The following COBL variants were observed in gnomAD, a reference collection of about 807,000 sequenced individuals.
COBL encodes cordon-bleu WH2 repeat protein.
COBL carries 51 observed loss-of-function variants against 98.8 expected under a neutral mutation model. The observed-to-expected ratio is 0.52, with a 90% CI of 0.41 to 0.65. The LOEUF (loss-of-function observed/expected upper bound fraction) is 0.65, where lower values mean the gene tolerates loss of function less well. Ranked by LOEUF, COBL falls within the 30% of genes least tolerant of loss-of-function variation. The pLI is 0.00. For missense variants in COBL, 1,617 were observed against 1,617.5 expected, an observed-to-expected ratio of 1.00 and a Z score of 0.01; for synonymous variants, 634 against 651.7, an observed-to-expected ratio of 0.97 and a Z score of 0.41.
intron 2 of COBL, among the ~76,000 whole-genome samples, chr7:51,210,605 G>A (rs712015): frequency 0.63 from 95,096 of 152,014 alleles, 30,472 homozygotes; most frequent in East Asian, 0.75. Flanking sequence ...TAAAGAACCT[G>A]GACACACACA....
At chr7:51,278,440 C>T (rs967838586) in intron 1 of COBL, among the ~76,000 whole-genome samples, 5 of 137,524 alleles carry the variant, frequency 3.6e-5, no homozygotes, top group Admixed American at 1.6e-4. Context: ...AGTGCAATGG[C>T]GCGATCTCGG....
intron 1 of COBL, among the ~76,000 whole-genome samples, chr7:51,275,177 C>G (rs965990805): frequency 3.3e-5 from 5 of 152,056 alleles, no homozygotes; most frequent in Non-Finnish European, 7.4e-5. Context: ...AGGGGTCACC[C>G]CTGCGGGCTG....
chr7:51,024,653 GTGAATGAATGAATGAATGAATGAA>G (rs3216937), intron 12 of COBL, among the ~76,000 whole-genome samples: 4 of 151,308 alleles, frequency 2.6e-5, no homozygotes, highest in East Asian at 4.0e-4. Flanking sequence ...GCATGTACGA[GTGAATGAATGAATGAATGAATGAA>G]TGAATGAATG....
rs376323100 is a variant in COBL at position 51,029,212 on chromosome 7, C to A, written c.1884G>T (p.Ala628=). The stretch of plus-strand genomic sequence containing the variant: ...TCGAAGCAAAAGAAGTCACCCTGGG[C>A]GCCGTTTCCATTAGATTCCCATCTT... ...ISKDGNLMET[A]PRVTSFASNL... Residue 628 remains alanine (A), a synonymous_variant, in exon 10 of 13, where the codon GCG becomes GCT. Coordinates refer to ENST00000265136, the MANE Select transcript of COBL (RefSeq NM_015198.5). 6.2e-7 allele frequency: 1 copy of A among 1,613,912 alleles called. No individual in the cohort carries two copies. Among genetic ancestry groups the A allele is most frequent in the Non-Finnish European group, 8.5e-7 (1 of 1,179,974 alleles).
chr7:51,267,191 C>A (rs1054459361), intron 1 of COBL, among the ~76,000 whole-genome samples: 2 of 152,090 alleles, frequency 1.3e-5, no homozygotes, highest in East Asian at 1.9e-4. Flanking sequence ...AAATCTGAAA[C>A]CCTTGTTATT....
chr7:51,090,613 GC>G (rs1562898007), intron 6 of COBL, among the ~76,000 whole-genome samples: 2 of 152,228 alleles, frequency 1.3e-5, no homozygotes, highest in Non-Finnish European at 2.9e-5. Context: ...GAGCTCAGAG[GC>G]TGGTTGCAAC....
At chr7:51,058,900 G>T (rs1320918698) in intron 7 of COBL, among the ~76,000 whole-genome samples, 1 of 152,162 alleles carries the variant, frequency 6.6e-6, no homozygotes, top group African/African-American at 2.4e-5. Context: ...TCCCAGGCCG[G>T]GGCTACTGTC....
At chr7:51,186,977 C>G (rs1789583487) in intron 4 of COBL, among the ~76,000 whole-genome samples, 1 of 152,122 alleles carries the variant, frequency 6.6e-6, no homozygotes, top group Non-Finnish European at 1.5e-5. Flanking sequence ...GTATGATAAG[C>G]TGAGGGTGGC....
rs558141941 is a variant in COBL, at chr7:51,124,468, C to T, written c.957+11690G>A. On this transcript the variant is annotated intron_variant, in intron 6 of 12. Transcript: ENST00000265136. The stretch of plus-strand genomic sequence containing the variant: ...AAAGAATTTGGAAGTGACACCCTCA[C>T]CCAGTGTATCTCTGGCTCCCAACTG... Among the ~76,000 whole-genome samples, 5 of 152,266 alleles carry T rather than the reference C, an allele frequency of 3.3e-5. No homozygotes were observed. The South Asian group carries it at 1.0e-3, about 32-fold the overall frequency.
At position 51,109,974 on chromosome 7, in the gene COBL, T is replaced by C. The variant is rs184240602; in HGVS notation, c.958-24670A>G. On this transcript the variant is annotated intron_variant, in intron 6 of 12. Coordinates refer to ENST00000265136, the MANE Select transcript of COBL (RefSeq NM_015198.5). ...TGGAAACTGCTTGGCCTCTTCTTTTTTCTTTAAAAAAATTGATACATAATA... is the reference window on the plus strand; with the variant it reads ...TGGAAACTGCTTGGCCTCTTCTTTTCTCTTTAAAAAAATTGATACATAATA... Among the ~76,000 whole-genome samples, 649 of 152,326 alleles carry C rather than the reference T, an allele frequency of 4.3e-3. 19 individuals carry two copies. The highest frequency in any genetic ancestry group is 0.039 in the Admixed American group (603 of 15,308).
At position 51,029,298 on chromosome 7, in the gene COBL, G is replaced by A. The variant is rs1291262878; in HGVS notation, c.1798C>T (p.Leu600=). 2 of 1,603,222 alleles carry A rather than the reference G, an allele frequency of 1.2e-6. No individual in the cohort carries two copies. The highest frequency in any genetic ancestry group is 8.5e-7 in the Non-Finnish European group (1 of 1,173,822). The stretch of plus-strand genomic sequence containing the variant: ...CCGACGTCATGGGAAGCGGGGTGCA[G>A]GGCAGGTACTTCCTCCCTTGCCTTT... The part of the protein sequence containing the change: ...HEKAREEVPA[L]HPASHDVGKG... The change falls in exon 10 of 13, where the codon CTG becomes TTG. Residue 600 remains leucine, a synonymous_variant. Transcript: ENST00000265136.
chr7:51,269,096 T>C (rs1798508476), intron 1 of COBL, among the ~76,000 whole-genome samples: 1 of 152,182 alleles, frequency 6.6e-6, no homozygotes, highest in South Asian at 2.1e-4. Context: ...CAGCAGGCTC[T>C]GTATAGCTGC....
intron 6 of COBL, among the ~76,000 whole-genome samples, chr7:51,133,838 C>T (rs1244917865): frequency 6.6e-6 from 1 of 152,216 alleles, no homozygotes; most frequent in African/African-American, 2.4e-5. Context: ...GTGACAAATA[C>T]TAACTATGGT....
chr7:51,270,218 T>C (rs1455126002), intron 1 of COBL, among the ~76,000 whole-genome samples: 1 of 152,152 alleles, frequency 6.6e-6, no homozygotes, highest in Non-Finnish European at 1.5e-5. Flanking sequence ...AAATAGAAGA[T>C]GTTTACCCTA....
intron 1 of COBL, chr7:51,259,812 A>G (rs1416258062): frequency 1.3e-6 from 1 of 752,830 alleles, no homozygotes; most frequent in Non-Finnish European, 2.4e-6. Context: ...ACTTTTACAA[A>G]GATACCACTA....
chr7:51,213,042 T>A (rs182954172), intron 2 of COBL, among the ~76,000 whole-genome samples: 1 of 152,334 alleles, frequency 6.6e-6, no homozygotes, highest in Admixed American at 6.5e-5. Context: ...TAAAACAAAT[T>A]TAATTTGCAT....
intron 7 of COBL, chr7:51,065,327 C>G: frequency 1.4e-6 from 1 of 703,528 alleles, no homozygotes; most frequent in Non-Finnish European, 2.6e-6. Context: ...CACTTGATTT[C>G]AGGATTGTGT....
rs146981458 is a variant in COBL at position 51,246,498 on chromosome 7, C to T, written c.42-26554G>A. Among the ~76,000 whole-genome samples, 4 of 152,330 alleles carry T rather than the reference C, an allele frequency of 2.6e-5. No individual in the cohort carries two copies. In the East Asian group the frequency reaches 7.7e-4, roughly 29 times the overall value. On this transcript the variant is annotated intron_variant, in intron 1 of 12. Coordinates refer to ENST00000265136, the MANE Select transcript of COBL (RefSeq NM_015198.5). ...TTCTCCCCTGGCACACAGCCCAGCC[C>T]TGACCTTGTCCCAGCCCCAACATCC...
At chr7:51,186,680 G>A (rs1789552722) in intron 4 of COBL, among the ~76,000 whole-genome samples, 1 of 152,214 alleles carries the variant, frequency 6.6e-6, no homozygotes, top group South Asian at 2.1e-4. Context: ...GAGGCACCAG[G>A]GGCCTGTGAC....
Sources: gnomAD v4.1 joint callset for allele counts (sites outside exome capture counted in the v4.1 genomes callset) on GRCh38, gnomAD v4.1.1 for gene constraint, MANE v1.5 for transcripts, NCBI Gene and HGNC (gene_info 2026-07-23, HGNC 2026-07-21) for gene names.